Variants in TDRD5 observed in about 807,000 individuals in gnomAD.
The protein encoded by TDRD5 is tudor domain-containing protein 5.
A neutral mutation model predicts 120.6 loss-of-function variants in TDRD5; 41 were observed. That is an observed-to-expected ratio of 0.34 (90% CI 0.26 to 0.44). The LOEUF (loss-of-function observed/expected upper bound fraction) is 0.44, where lower values mean the gene tolerates loss of function less well. Among genes scored for constraint, TDRD5 ranks in the 20% least tolerant of loss-of-function variants. TDRD5 has a pLI of 1.00. For missense variants in TDRD5, 1,006 were observed against 1,221.2 expected, an observed-to-expected ratio of 0.82 and a Z score of 2.63; for synonymous variants, 430 against 433.7, an observed-to-expected ratio of 0.99 and a Z score of 0.11.
At chr1:179,687,086 T>G (rs1350296206) in intron 17 of TDRD5, among the ~76,000 whole-genome samples, 3 of 152,322 alleles carry the variant, frequency 2.0e-5, no homozygotes, top group Non-Finnish European at 2.9e-5. Context: ...TCCTGCTAGC[T>G]TTTGAATGTG....
At chr1:179,628,282 AG>A (rs1677237997) in intron 6 of TDRD5, among the ~76,000 whole-genome samples, 1 of 147,646 alleles carries the variant, frequency 6.8e-6, no homozygotes, top group African/African-American at 2.5e-5. Flanking sequence ...GGAGGGTGGG[AG>A]TAGAAATATA....
At chr1:179,641,021 G>A (rs1678016378) in intron 11 of TDRD5, among the ~76,000 whole-genome samples, 1 of 152,166 alleles carries the variant, frequency 6.6e-6, no homozygotes, top group South Asian at 2.1e-4. Flanking sequence ...CATTGTGGCA[G>A]AGCTTTGAGG....
chr1:179,642,066 CT>C, intron 11 of TDRD5, among the ~76,000 whole-genome samples: 1 of 151,204 alleles, frequency 6.6e-6, no homozygotes, highest in Non-Finnish European at 1.5e-5. Context: ...TTTTTGTTCT[CT>C]TCTTTTTCTT....
rs375020698 is a variant in TDRD5 at position 179,593,442 on chromosome 1, C to G, written c.233-18C>G. ...TAAGTTTTCCTCCTAAATATGATTT[C>G]TATTTTTCACGTCTCAGCCATTCCA... is the stretch of plus-strand genomic sequence containing the variant. On this transcript the variant is annotated intron_variant, in intron 2 of 17. Coordinates refer to ENST00000444136, the MANE Select transcript of TDRD5 (RefSeq NM_001199085.3). 63 of 1,603,514 alleles carry G rather than the reference C, an allele frequency of 3.9e-5. No individual in the cohort carries two copies. The highest frequency in any genetic ancestry group is 5.2e-5 in the Non-Finnish European group (61 of 1,173,194).
At chr1:179,652,270 C>G (rs1249546567) in intron 13 of TDRD5, 73 bp downstream of exon 13, 1 of 1,429,504 alleles carries the variant, frequency 7.0e-7, no homozygotes, top group Admixed American at 2.9e-5. Flanking sequence ...ATGAAGAAAC[C>G]AAGGCTTTCC....
At chr1:179,683,284 T>G (rs1025900289) in intron 17 of TDRD5, among the ~76,000 whole-genome samples, 3 of 152,200 alleles carry the variant, frequency 2.0e-5, no homozygotes, top group African/African-American at 7.2e-5. Context: ...TTTGTCCAGT[T>G]TTCCAGTTGT....
chr1:179,623,514 G>T (rs1676946001), intron 6 of TDRD5, among the ~76,000 whole-genome samples: 1 of 151,894 alleles, frequency 6.6e-6, no homozygotes, highest in African/African-American at 2.4e-5. Context: ...GGACTGAAAA[G>T]GATGTATATT....
intron 3 of TDRD5, among the ~76,000 whole-genome samples, chr1:179,595,351 CCT>C (rs1205752506): frequency 6.6e-6 from 1 of 152,068 alleles, no homozygotes; most frequent in Non-Finnish European, 1.5e-5. Flanking sequence ...TTGAATCCCA[CCT>C]CTCTATAATT....
intron 14 of TDRD5, among the ~76,000 whole-genome samples, chr1:179,655,600 A>T (rs957265221): frequency 6.6e-6 from 1 of 152,130 alleles, no homozygotes; most frequent in Admixed American, 6.5e-5. Context: ...CTGCTTTGTA[A>T]TCACAGTCTC....
chr1:179,607,578 T>C (rs1378309271), intron 4 of TDRD5, among the ~76,000 whole-genome samples: 1 of 152,018 alleles, frequency 6.6e-6, no homozygotes, highest in Non-Finnish European at 1.5e-5. Context: ...GTGGATGCCT[T>C]AGGGTTTTCA....
chr1:179,608,280 C>T (rs1000911397), intron 4 of TDRD5, among the ~76,000 whole-genome samples: 1 of 151,848 alleles, frequency 6.6e-6, no homozygotes, highest in African/African-American at 2.4e-5. Context: ...TTTTTTTCTG[C>T]ATGAGATTCA....
chr1:179,609,036 G>C (rs913238629), intron 4 of TDRD5, among the ~76,000 whole-genome samples: 3 of 152,068 alleles, frequency 2.0e-5, no homozygotes, highest in African/African-American at 7.2e-5. Context: ...TTATGAAGGT[G>C]GGGTCCTTAT....
intron 17 of TDRD5, among the ~76,000 whole-genome samples, chr1:179,669,897 G>A (rs74673320): frequency 0.017 from 2,566 of 152,172 alleles, 29 homozygotes; most frequent in Non-Finnish European, 0.027. Context: ...TTAGAGTTTC[G>A]TTTATGTTGT....
intron 7 of TDRD5, among the ~76,000 whole-genome samples, chr1:179,633,415 G>C (rs967435092): frequency 1.3e-5 from 2 of 151,590 alleles, no homozygotes; most frequent in Non-Finnish European, 2.9e-5. Flanking sequence ...GCAATGGTGT[G>C]ATCTTGGCTC....
rs564906255 is a variant in TDRD5, at chr1:179,606,398, C to G, written c.831+10580C>G. On this transcript the variant is annotated intron_variant, in intron 4 of 17. Coordinates refer to ENST00000444136, the MANE Select transcript of TDRD5 (RefSeq NM_001199085.3). ...TTTTCTTCTATTCTGTGGCTTATTT[C>G]TCAATCTTTTGACTTGTCTTACAGA... is the stretch of plus-strand genomic sequence containing the variant. Among the ~76,000 whole-genome samples, 5 of 151,904 alleles carry G rather than the reference C, an allele frequency of 3.3e-5. No homozygotes were observed. In the East Asian group the frequency reaches 7.8e-4, roughly 24 times the overall value.
At chr1:179,605,775 T>A (rs1675941415) in intron 4 of TDRD5, among the ~76,000 whole-genome samples, 1 of 152,180 alleles carries the variant, frequency 6.6e-6, no homozygotes, top group Non-Finnish European at 1.5e-5. Flanking sequence ...AAGGTTCCTT[T>A]ATGTCTTTTC....
intron 4 of TDRD5, among the ~76,000 whole-genome samples, chr1:179,612,571 T>G (rs1225201677): frequency 6.6e-6 from 1 of 152,158 alleles, no homozygotes; most frequent in Non-Finnish European, 1.5e-5. Flanking sequence ...TATTTACCTT[T>G]AAGAGTAGCA....
chr1:179,668,803 C>T (rs540607786), intron 16 of TDRD5, among the ~76,000 whole-genome samples: 21 of 134,654 alleles, frequency 1.6e-4, no homozygotes, highest in African/African-American at 5.6e-4. Flanking sequence ...AGTGCGGTGG[C>T]GCAACCTCGG....
chr1:179,668,367 T>A (rs1679661650), intron 16 of TDRD5, among the ~76,000 whole-genome samples: 1 of 152,172 alleles, frequency 6.6e-6, no homozygotes, highest in African/African-American at 2.4e-5. Flanking sequence ...TGGGAGGTGG[T>A]GTGGTAGAGC....
Sources: gnomAD v4.1 joint callset for allele counts (sites outside exome capture counted in the v4.1 genomes callset) on GRCh38, gnomAD v4.1.1 for gene constraint, MANE v1.5 for transcripts, NCBI Gene and HGNC (gene_info 2026-07-23, HGNC 2026-07-21) for gene names.